VEGFC: variants seen among roughly 807,000 people sequenced by gnomAD.
VEGFC encodes vascular endothelial growth factor C.
VEGFC carries 12 observed loss-of-function variants against 46.1 expected under a neutral mutation model. The ratio of observed to expected loss-of-function variants is 0.26; its 90% CI spans 0.17 to 0.42. The LOEUF is 0.42. Ranked by LOEUF, VEGFC falls within the 10% of genes least tolerant of loss-of-function variation. The probability of loss-of-function intolerance (pLI) is 1.00; values close to 1 mark genes in which losing one functional copy is unlikely to be tolerated. For synonymous variants in VEGFC, 232 were observed against 195.5 expected (o/e 1.19, Z -1.56); for missense variants, 488 against 529.4 (o/e 0.92, Z 0.77).
At chr4:176,718,378 A>G (rs1579103766) in intron 3 of VEGFC, among the ~76,000 whole-genome samples, 1 of 152,152 alleles carries the variant, frequency 6.6e-6, no homozygotes, top group East Asian at 1.9e-4. Context: ...AGTGCAAAAT[A>G]ATACCTCTAA....
Position 176,687,902 on chromosome 4 carries a change from G to A in VEGFC, c.730C>T (p.Pro244Ser). 6.2e-7 allele frequency: 1 copy of A among 1,613,128 alleles called. No individual in the cohort carries two copies. Among genetic ancestry groups the A allele is most frequent in the Non-Finnish European group, 8.5e-7 (1 of 1,179,562 alleles). Residue 244 changes from proline (P) to serine (S), a missense_variant, in exon 5 of 7, where the codon CCC (proline) becomes TCC (serine). Physicochemically the swap from Pro to Ser is moderately conservative, Grantham distance 74 (BLOSUM62 -1). Coordinates refer to ENST00000618562, the MANE Select transcript of VEGFC (RefSeq NM_005429.5). ...PQCQAANKTC[P>S]TNYMWNNHIC... Reference sequence around the variant, plus strand: ...TGATTATTCCACATGTAATTGGTGGGGCAGGTCTTGTTCGCTGCCTGACAC... The same window carrying A: ...TGATTATTCCACATGTAATTGGTGGAGCAGGTCTTGTTCGCTGCCTGACAC...
intron 3 of VEGFC, among the ~76,000 whole-genome samples, chr4:176,722,058 AAT>A (rs1256549533): frequency 2.6e-5 from 4 of 152,176 alleles, no homozygotes; most frequent in Non-Finnish European, 4.4e-5. Flanking sequence ...TAAATTTTAA[AAT>A]ATGACTGCAT....
At position 176,729,527 on chromosome 4, in the gene VEGFC, A is replaced by G; in HGVS notation, c.361+6T>C. On this transcript the variant is annotated splice_donor_region_variant and intron_variant, in intron 2 of 6. Coordinates refer to ENST00000618562, the MANE Select transcript of VEGFC (RefSeq NM_005429.5). ...GCTTACTATACATTTTATTTCCCAT[A>G]CTTACTTTTCAAGATCTCTGTATTA... 1.2e-6 allele frequency: 2 copies of G among 1,609,386 alleles called. No homozygotes were observed. Among genetic ancestry groups the G allele is most frequent in the Non-Finnish European group, 1.7e-6 (2 of 1,178,396 alleles).
At chr4:176,770,979 T>TACACACACACACACACACAC (rs148140472) in intron 1 of VEGFC, among the ~76,000 whole-genome samples, 25 of 148,522 alleles carry the variant, frequency 1.7e-4, no homozygotes, top group African/African-American at 6.2e-4. Context: ...AAGTAACTGA[T>TACACACACACACACACACAC]ACACACACAC....
At chr4:176,755,307 G>A (rs1349225519) in intron 1 of VEGFC, among the ~76,000 whole-genome samples, 1 of 152,004 alleles carries the variant, frequency 6.6e-6, no homozygotes, top group Non-Finnish European at 1.5e-5. Context: ...ACTTACAGCA[G>A]ACAGGAGACA....
chr4:176,751,283 A>G (rs535790774), intron 1 of VEGFC, among the ~76,000 whole-genome samples: 1 of 152,090 alleles, frequency 6.6e-6, no homozygotes, highest in South Asian at 2.1e-4. Context: ...GAAAACTTAC[A>G]AAGAATTTTA....
intron 1 of VEGFC, among the ~76,000 whole-genome samples, chr4:176,765,987 C>T (rs991999093): frequency 7.9e-5 from 12 of 151,736 alleles, no homozygotes; most frequent in African/African-American, 2.9e-4. Context: ...AAAATAAATG[C>T]CAACCTAGAA....
intron 1 of VEGFC, among the ~76,000 whole-genome samples, chr4:176,767,974 T>G (rs1404822725): frequency 1.3e-5 from 2 of 152,108 alleles, no homozygotes; most frequent in Non-Finnish European, 2.9e-5. Context: ...AGGATTGGAT[T>G]CCCTGATGAG....
At chr4:176,784,756 C>CA (rs5864405) in intron 1 of VEGFC, among the ~76,000 whole-genome samples, 592 of 22,876 alleles carry the variant, frequency 0.026, 21 homozygotes, top group Middle Eastern at 0.077. Context: ...GAGTCTGTCT[C>CA]AAAAAAAAAA....
rs574910436 is a variant in VEGFC, at chr4:176,741,415, C to T, written c.148-11669G>A. On this transcript the variant is annotated intron_variant, in intron 1 of 6. Coordinates refer to ENST00000618562, the MANE Select transcript of VEGFC (RefSeq NM_005429.5). Reference sequence around the variant, plus strand: ...ACATTAAAACCCGAACATTTCAGGCCAGAGAGTCCACTTAGGGGGTTGATT... The same window carrying T: ...ACATTAAAACCCGAACATTTCAGGCTAGAGAGTCCACTTAGGGGGTTGATT... Among the ~76,000 whole-genome samples the T allele has an allele frequency of 8.6e-5, 13 of 151,924 alleles. No individual in the cohort carries two copies. In the South Asian group the frequency reaches 2.5e-3, roughly 29 times the overall value.
intron 1 of VEGFC, among the ~76,000 whole-genome samples, chr4:176,737,282 A>T (rs1735072119): frequency 2.3e-5 from 1 of 44,110 alleles, no homozygotes; most frequent in African/African-American, 3.6e-5. Context: ...ATATGTTTAT[A>T]ATATATATAG....
chr4:176,785,045 T>C (rs1268938902), intron 1 of VEGFC, among the ~76,000 whole-genome samples: 1 of 151,992 alleles, frequency 6.6e-6, no homozygotes, highest in Non-Finnish European at 1.5e-5. Flanking sequence ...AGCAGAAATA[T>C]TGGCAGTGAG....
intron 1 of VEGFC, among the ~76,000 whole-genome samples, chr4:176,754,558 C>T (rs1167258960): frequency 6.6e-6 from 1 of 151,970 alleles, no homozygotes; most frequent in East Asian, 1.9e-4. Flanking sequence ...TCACATCACA[C>T]CATTCTGAAT....
chr4:176,726,122 A>C (rs2111014429), intron 3 of VEGFC, among the ~76,000 whole-genome samples: 1 of 152,276 alleles, frequency 6.6e-6, no homozygotes, highest in Non-Finnish European at 1.5e-5. Flanking sequence ...AACTAAGGAT[A>C]ACTTTTGCTA....
rs996442244 is a variant in VEGFC, at chr4:176,792,042, T to C, written c.147+123A>G. 5.9e-5 allele frequency: 75 copies of C among 1,276,654 alleles called. No homozygotes were observed. Among genetic ancestry groups the C allele is most frequent in the Non-Finnish European group, 7.6e-5 (75 of 991,514 alleles). The allele number at this position is 1,276,654 out of a possible 1,614,324, so 79.1% of individuals were successfully genotyped here. ...CCAAAGCAGCGTGCACTGAGCTCAG[T>C]AACTTTGGATCCCACGTACACAAGC... On this transcript the variant is annotated intron_variant, in intron 1 of 6. Coordinates refer to ENST00000618562, the MANE Select transcript of VEGFC (RefSeq NM_005429.5). The surrounding 1 kb of genome is among the most constrained non-coding windows in gnomAD (Gnocchi z 6.3).
At chr4:176,690,916 G>T (rs1734164993) in intron 4 of VEGFC, among the ~76,000 whole-genome samples, 1 of 152,188 alleles carries the variant, frequency 6.6e-6, no homozygotes, top group African/African-American at 2.4e-5. Context: ...CTAAGCCAGT[G>T]TTATTCCAGC....
chr4:176,689,874 A>G (rs1051798814), intron 4 of VEGFC, among the ~76,000 whole-genome samples: 1 of 152,204 alleles, frequency 6.6e-6, no homozygotes, highest in African/African-American at 2.4e-5. Context: ...GATTTTATCA[A>G]GAGAGTTTGT....
chr4:176,737,697 C>T (rs1267092945), intron 1 of VEGFC, among the ~76,000 whole-genome samples: 1 of 151,580 alleles, frequency 6.6e-6, no homozygotes, highest in East Asian at 1.9e-4. Flanking sequence ...AAAATCATAT[C>T]AATTCTTCAC....
chr4:176,765,336 A>T (rs1305252903), intron 1 of VEGFC, among the ~76,000 whole-genome samples: 1 of 152,062 alleles, frequency 6.6e-6, no homozygotes, highest in Non-Finnish European at 1.5e-5. Flanking sequence ...TATAGAGCAG[A>T]TACTGCAAAT....
Sources: allele counts gnomAD v4.1 joint callset (sites outside exome capture counted in the v4.1 genomes callset), GRCh38; gene constraint gnomAD v4.1.1; non-coding constraint Gnocchi (gnomAD v3.1); transcripts MANE v1.5; gene names NCBI Gene and HGNC (gene_info 2026-07-23, HGNC 2026-07-21).